The following SLX4 variants were observed in gnomAD, a reference collection of about 807,000 sequenced individuals.
SLX4 encodes SLX4 structure-specific endonuclease subunit, also known as structure-specific endonuclease subunit SLX4.
In SLX4, 112 loss-of-function variants were observed where a neutral mutation model predicts 146.2. The ratio of observed to expected loss-of-function variants is 0.77; its 90% CI spans 0.66 to 0.90. SLX4 has a LOEUF of 0.90. Among genes scored for constraint, SLX4 ranks in the 40% least tolerant of loss-of-function variants. SLX4 has a pLI of 0.00. For missense variants in SLX4, 2,563 were observed against 2,392.7 expected (o/e 1.07, Z -1.49); for synonymous variants, 1,061 against 997.7 (o/e 1.06, Z -1.20).
intron 5 of SLX4, among the ~76,000 whole-genome samples, chr16:3,600,018 G>A (rs1282194734): frequency 2.0e-5 from 3 of 152,140 alleles, no homozygotes; most frequent in East Asian, 1.9e-4. Flanking sequence ...TCTTAGATGT[G>A]GTAAAGCAGT....
intron 3 of SLX4, among the ~76,000 whole-genome samples, chr16:3,605,825 T>C (rs537927356): frequency 6.6e-6 from 1 of 151,206 alleles, no homozygotes; most frequent in South Asian, 2.1e-4. Flanking sequence ...TGGGAGCCTG[T>C]AGTCCCAGCT....
Position 3,589,502 on chromosome 16 carries a change from G to C in SLX4, c.4136C>G (p.Pro1379Arg), listed in dbSNP as rs775530786. Reference sequence around the variant, plus strand: ...GGTCTGGTTCAGGAAGCTTGGCCCAGGCGGCGAGTGTTTCAGGAACCGCCT... The same window carrying C: ...GGTCTGGTTCAGGAAGCTTGGCCCACGCGGCGAGTGTTTCAGGAACCGCCT... ...FSRRFLKHSP[P>R]GPSFLNQTPA... The change falls in exon 12 of 15, where the codon CCT becomes CGT. Residue 1379 changes from proline (P) to arginine (R), a missense_variant. Physicochemically the swap from Pro to Arg is moderately radical, Grantham distance 103. Coordinates refer to ENST00000294008, the MANE Select transcript of SLX4 (RefSeq NM_032444.4). This position sits in a 1 kb window ranked among gnomAD's most constrained non-coding sequence, Gnocchi z 6.2. 1 of 1,609,978 alleles carries C rather than the reference G, an allele frequency of 6.2e-7. No individual in the cohort carries two copies. The highest frequency in any genetic ancestry group is 1.1e-5 in the South Asian group (1 of 91,058).
Position 3,582,199 on chromosome 16 carries a change from A to C in SLX4, c.*143T>G. On this transcript the variant is annotated 3_prime_UTR_variant, in exon 15 of 15. Coordinates refer to ENST00000294008, the MANE Select transcript of SLX4 (RefSeq NM_032444.4). ...AGCCCTGGATTGGGCTGTGGTCATC[A>C]TCACAGCGCAGAGCTGATGTGGTCC... 1.5e-6 allele frequency: 1 copy of C among 679,244 alleles called. No homozygotes were observed. The highest frequency in any genetic ancestry group is 2.5e-6 in the Non-Finnish European group (1 of 397,678). The allele number at this position is 679,244 out of a possible 1,614,324, so 42.1% of individuals were successfully genotyped here.
At chr16:3,602,906 C>G (rs1243563590) in intron 3 of SLX4, among the ~76,000 whole-genome samples, 1 of 152,122 alleles carries the variant, frequency 6.6e-6, no homozygotes, top group Non-Finnish European at 1.5e-5. Flanking sequence ...GGTGGCCCAT[C>G]TGATATTGCT....
chr16:3,598,364 A>G (rs1208798358), intron 5 of SLX4, among the ~76,000 whole-genome samples: 4 of 152,148 alleles, frequency 2.6e-5, no homozygotes, highest in Admixed American at 6.5e-5. Context: ...TCACCCATCA[A>G]TACTTCCGAT....
In SLX4 at chr16:3,594,963, G is replaced by A. The variant is rs60065695; in HGVS notation, c.2014-364C>T. Among the ~76,000 whole-genome samples, 1,380 of 152,308 alleles carry A rather than the reference G, an allele frequency of 9.1e-3. 20 individuals are homozygous for A. Among genetic ancestry groups the A allele is most frequent in the African/African-American group, 0.032 (1,318 of 41,566 alleles). On this transcript the variant is annotated intron_variant, in intron 9 of 14. Coordinates refer to ENST00000294008, the MANE Select transcript of SLX4 (RefSeq NM_032444.4). ...AGGAGGTGCACCCATCCCCTGTGAC[G>A]GACAAGCACCCTGAGTCCAAGCAGC...
Position 3,596,158 on chromosome 16 carries a change from G to A in SLX4, c.1919C>T (p.Thr640Ile), listed in dbSNP as rs1340467468. Reference sequence around the variant, plus strand: ...AGTCCCACCCAGCATCTCACCTGCAGTCCCTTCCGAGCCAGCCAGGCCCCC... The same window carrying A: ...AGTCCCACCCAGCATCTCACCTGCAATCCCTTCCGAGCCAGCCAGGCCCCC... Reference protein sequence around the residue: ...GSGGLAGSEGTAGLDVVPGGL... With the variant: ...GSGGLAGSEGIAGLDVVPGGL... The change falls in exon 8 of 15, where the codon ACT becomes ATT. Residue 640 changes from threonine to isoleucine, a missense_variant. By Grantham distance (89) the Thr-to-Ile change is moderately conservative. Transcript: ENST00000294008. The A allele has an allele frequency of 6.4e-7, 1 of 1,551,136 alleles. No individual in the cohort carries two copies. The highest frequency in any genetic ancestry group is 8.7e-7 in the Non-Finnish European group (1 of 1,150,314).
intron 5 of SLX4, among the ~76,000 whole-genome samples, chr16:3,599,651 A>G (rs2040705016): frequency 6.6e-6 from 1 of 152,220 alleles, no homozygotes; most frequent in African/African-American, 2.4e-5. Context: ...CAGTGGTGCA[A>G]TCACAGCTCA....
At chr16:3,608,330 A>C in intron 2 of SLX4, 100 bp downstream of exon 2, 1 of 1,183,342 alleles carries the variant, frequency 8.5e-7, no homozygotes, top group South Asian at 1.2e-5. Context: ...AGAGTTGAGT[A>C]GTTGTGACAG....
At chr16:3,607,786 G>A (rs1165287586) in intron 2 of SLX4, among the ~76,000 whole-genome samples, 1 of 152,200 alleles carries the variant, frequency 6.6e-6, no homozygotes, top group African/African-American at 2.4e-5. Flanking sequence ...CCTGGGACTT[G>A]AGCCCACACA....
rs759828401 is a variant in SLX4, at chr16:3,589,731, C to T, written c.3907G>A (p.Glu1303Lys). Reference sequence around the variant, plus strand: ...ATGACAGAAAACTTCTGTGCGACTTCGTTCCCTTCCCTGTTTCCTACTGAG... The same window carrying T: ...ATGACAGAAAACTTCTGTGCGACTTTGTTCCCTTCCCTGTTTCCTACTGAG... ...RASVGNREGNEVAQKFSVIRP... is the reference protein window; with the variant it reads ...RASVGNREGNKVAQKFSVIRP... The change falls in exon 12 of 15, where the codon GAA (glutamate) becomes AAA (lysine). Residue 1303 changes from glutamate to lysine, a missense_variant. Physicochemically the swap from Glu to Lys is moderately conservative, Grantham distance 56. Coordinates refer to ENST00000294008, the MANE Select transcript of SLX4 (RefSeq NM_032444.4). This position sits in a 1 kb window ranked among gnomAD's most constrained non-coding sequence, Gnocchi z 6.2. The T allele has an allele frequency of 1.7e-5, 28 of 1,613,808 alleles. No individual in the cohort carries two copies. Among genetic ancestry groups the T allele is most frequent in the Non-Finnish European group, 2.4e-5 (28 of 1,180,046 alleles).
Position 3,589,892 on chromosome 16 carries a change from C to A in SLX4, c.3746G>T (p.Ser1249Ile), listed in dbSNP as rs372991604. Reference protein sequence around the residue: ...CDRESSPSEASTTDTSWLVPA... With the variant: ...CDRESSPSEAITTDTSWLVPA... ...CACCAGCCACGAGGTGTCTGTGGTGCTGGCCTCGCTGGGGCTGCTCTCACG... is the reference window on the plus strand; with the variant it reads ...CACCAGCCACGAGGTGTCTGTGGTGATGGCCTCGCTGGGGCTGCTCTCACG... The change falls in exon 12 of 15, where the codon AGC (serine) becomes ATC (isoleucine). Residue 1249 changes from serine to isoleucine, a missense_variant. Physicochemically the swap from Ser to Ile is moderately radical, Grantham distance 142. Transcript: ENST00000294008. This position sits in a 1 kb window ranked among gnomAD's most constrained non-coding sequence, Gnocchi z 6.2. The A allele has an allele frequency of 6.2e-6, 10 of 1,613,820 alleles. No homozygotes were observed. The highest frequency in any genetic ancestry group is 7.6e-6 in the Non-Finnish European group (9 of 1,179,996).
chr16:3,585,589 A>AC (rs2040499408), intron 12 of SLX4, among the ~76,000 whole-genome samples: 1 of 150,100 alleles, frequency 6.7e-6, no homozygotes, highest in African/African-American at 2.4e-5. Context: ...CTGTCTCAAA[A>AC]AAAAAAAAAA....
At position 3,590,027 on chromosome 16, in the gene SLX4, G is replaced by A. The variant is rs778379097; in HGVS notation, c.3611C>T (p.Ser1204Phe). 6.2e-7 allele frequency: 1 copy of A among 1,614,146 alleles called. No individual in the cohort carries two copies. Among genetic ancestry groups the A allele is most frequent in the Non-Finnish European group, 8.5e-7 (1 of 1,180,036 alleles). ...IIDVDADQEP[S>F]QSPPRSEAVL... ...AGCTTCGCTTCTTGGTGGGCTCTGG[G>A]AAGGTTCCTGATCTGCATCAACATC... The change falls in exon 12 of 15, where the codon TCC becomes TTC. Residue 1204 changes from serine (S) to phenylalanine (F), a missense_variant. Transcript: ENST00000294008. This position sits in a 1 kb window ranked among gnomAD's most constrained non-coding sequence, Gnocchi z 4.8.
Position 3,606,505 on chromosome 16 carries a change from C to T in SLX4, c.729G>A (p.Lys243=). 3.1e-6 allele frequency: 5 copies of T among 1,614,214 alleles called. No homozygotes were observed. In the African/African-American group the frequency reaches 6.7e-5, roughly 22 times the overall value. ...CCGCCATCATCTCCTCTTGAGGATC[C>T]TTTGGGACATTTTCTTCCCGCGCAG... The part of the protein sequence containing the change: ...LEAAREENVP[K]DPQEEMMAGN... Residue 243 remains lysine (K), a synonymous_variant, in exon 3 of 15, where the codon AAG becomes AAA. Coordinates refer to ENST00000294008, the MANE Select transcript of SLX4 (RefSeq NM_032444.4).
intron 8 of SLX4, among the ~76,000 whole-genome samples, 187 bp from the exon 9 acceptor site, chr16:3,595,880 G>A (rs535581738): frequency 1.3e-5 from 2 of 152,230 alleles, no homozygotes; most frequent in South Asian, 4.1e-4. Context: ...AGGGAGGTAA[G>A]AGAAGAGCAA....
chr16:3,603,079 G>T (rs2040745189), intron 3 of SLX4, among the ~76,000 whole-genome samples: 1 of 152,156 alleles, frequency 6.6e-6, no homozygotes, highest in Non-Finnish European at 1.5e-5. Context: ...TTGAGATGGA[G>T]TCTCACACTC....
chr16:3,597,442 C>T lies in SLX4; in HGVS notation c.1620G>A (p.Trp540Ter), dbSNP rs760000532. ...TGGCCGTGTAGAAGTCCTCCATGGC[C>T]CAGGCCCCAGTCAGTGCGCTGCCCT... Reference protein sequence around the residue: ...LWEGSALTGAWAMEDFYTARL... With the variant: ...LWEGSALTGA The change falls in exon 7 of 15, where the codon TGG becomes TGA. Residue 540 changes from tryptophan (W) to a stop codon, truncating the protein, a stop_gained. Coordinates refer to ENST00000294008, the MANE Select transcript of SLX4 (RefSeq NM_032444.4). LOFTEE classifies it high-confidence loss of function. This position sits in a 1 kb window ranked among gnomAD's most constrained non-coding sequence, Gnocchi z 4.4. 1.2e-6 allele frequency: 2 copies of T among 1,611,036 alleles called. No homozygotes were observed. Among genetic ancestry groups the T allele is most frequent in the East Asian group, 4.5e-5 (2 of 44,816 alleles).
intron 12 of SLX4, 28 bp downstream of exon 12, chr16:3,588,974 C>T (rs2040539575): frequency 6.2e-7 from 1 of 1,613,464 alleles, no homozygotes; most frequent in Non-Finnish European, 8.5e-7. Context: ...AAAGACAGTC[C>T]CCTTCCCCAG....
Sources: allele counts gnomAD v4.1 joint callset (sites outside exome capture counted in the v4.1 genomes callset), GRCh38; gene constraint gnomAD v4.1.1; non-coding constraint Gnocchi (gnomAD v3.1); transcripts MANE v1.5; gene names NCBI Gene and HGNC (gene_info 2026-07-23, HGNC 2026-07-21).